BGN: variants seen among roughly 807,000 people sequenced by gnomAD.
BGN encodes the protein biglycan.
Under a neutral mutation model 20.0 loss-of-function variants are expected in BGN, and 6 were observed. That is an observed-to-expected ratio of 0.30 (90% CI 0.16 to 0.59). The LOEUF is 0.59. Ranked by LOEUF, BGN falls within the 20% of genes least tolerant of loss-of-function variation. The pLI, the probability that BGN is intolerant of heterozygous loss-of-function variation, is 0.88. For synonymous variants in BGN, 146 were observed against 134.6 expected, an observed-to-expected ratio of 1.08 and a Z score of -0.59; for missense variants, 292 against 312.1, an observed-to-expected ratio of 0.94 and a Z score of 0.49.
At chrX:153,501,366 C>G (rs73633608) in intron 1 of BGN, among the ~76,000 whole-genome samples, 1 of 112,764 alleles carries the variant, frequency 8.9e-6, no homozygotes, top group Non-Finnish European at 1.9e-5. Flanking sequence ...CAGGCTCTCA[C>G]AGGCCCAGAG....
chrX:153,505,866 C>T lies in BGN; in HGVS notation c.355C>T (p.Leu119Phe). ...DFKGLQHLYA[L>F]VLVNNKISKI... Reference sequence around the variant, plus strand: ...TCCTCCGCCCACCCTGCTTCAGGCCCTCGTCCTGGTGAACAACAAGATCTC... The same window carrying T: ...TCCTCCGCCCACCCTGCTTCAGGCCTTCGTCCTGGTGAACAACAAGATCTC... The change falls in exon 4 of 8, where the codon CTC (leucine) becomes TTC (phenylalanine). Residue 119 changes from leucine (L) to phenylalanine (F), a missense_variant. Coordinates refer to ENST00000331595, the MANE Select transcript of BGN (RefSeq NM_001711.6). 8.3e-7 allele frequency: 1 copy of T among 1,210,699 alleles called. No homozygotes were observed. Among genetic ancestry groups the T allele is most frequent in the East Asian group, 3.0e-5 (1 of 33,813 alleles).
intron 1 of BGN, among the ~76,000 whole-genome samples, chrX:153,499,563 G>A (rs1375605199): frequency 6.2e-5 from 7 of 112,893 alleles, no homozygotes; most frequent in Non-Finnish European, 1.1e-4. Flanking sequence ...ACGCCCAAGC[G>A]TGGCTGCCTG....
intron 2 of BGN, 96 bp downstream of exon 2, chrX:153,504,965 C>T (rs782687740): frequency 4.1e-5 from 37 of 900,604 alleles, no homozygotes; most frequent in Middle Eastern, 4.1e-4. Context: ...TCCTGTGGGA[C>T]GGTGGCGAGC....
At chrX:153,497,089 C>A (rs2089722778) in intron 1 of BGN, among the ~76,000 whole-genome samples, 1 of 103,821 alleles carries the variant, frequency 9.6e-6, no homozygotes, top group Non-Finnish European at 2.0e-5. Context: ...CTGCCAGGGC[C>A]CCTCCCCTGC....
intron 7 of BGN, among the ~76,000 whole-genome samples, chrX:153,507,497 C>T (rs2089811192): frequency 8.9e-6 from 1 of 112,432 alleles, no homozygotes. Flanking sequence ...TGTGCCAAGA[C>T]AGTGACCGCC....
At chrX:153,505,087 GTCCTCCCTACCA>G in intron 2 of BGN, 139 bp from the exon 3 acceptor site, 1 of 565,337 alleles carries the variant, frequency 1.8e-6, no homozygotes, top group Non-Finnish European at 2.9e-6. Context: ...TGTGTCCCCG[GTCCTCCCTACCA>G]GTGGGGCTAG....
chrX:153,503,922 A>C (rs1004195795), intron 1 of BGN, among the ~76,000 whole-genome samples: 5 of 111,846 alleles, frequency 4.5e-5, no homozygotes, highest in Non-Finnish European at 9.4e-5. Flanking sequence ...GCCCAGGGGC[A>C]GTGTTGGGGG....
At position 153,506,883 on chromosome X, in the gene BGN, A is replaced by G. The variant is rs2089804583; in HGVS notation, c.730A>G (p.Ile244Val). The G allele has an allele frequency of 2.5e-6, 3 of 1,209,861 alleles. No individual in the cohort carries two copies. Among genetic ancestry groups the G allele is most frequent in the Non-Finnish European group, 3.4e-6 (3 of 895,078 alleles). ...LHLDHNKIQA[I>V]ELEDLLRYSK... ...CCTAGACCACAACAAAATCCAGGCCATCGAACTGGAGGACCTGCTTCGCTA... is the reference window on the plus strand; with the variant it reads ...CCTAGACCACAACAAAATCCAGGCCGTCGAACTGGAGGACCTGCTTCGCTA... The change falls in exon 6 of 8, where the codon ATC becomes GTC. Residue 244 changes from isoleucine (I) to valine (V), a missense_variant. Transcript: ENST00000331595.
intron 1 of BGN, among the ~76,000 whole-genome samples, chrX:153,503,265 C>T (rs1402221374): frequency 8.9e-6 from 1 of 112,370 alleles, no homozygotes; most frequent in African/African-American, 3.2e-5. Context: ...CTCCTTAGAC[C>T]CCTGCAACCA....
intron 1 of BGN, among the ~76,000 whole-genome samples, chrX:153,496,301 C>T (rs1216436947): frequency 8.9e-6 from 1 of 112,828 alleles, no homozygotes; most frequent in Non-Finnish European, 1.9e-5. Flanking sequence ...CCCCCCTGCC[C>T]CCGTGCCAGA....
chrX:153,505,772 C>T, intron 3 of BGN, 91 bp from the exon 4 acceptor site: 1 of 775,093 alleles, frequency 1.3e-6, no homozygotes. Flanking sequence ...CCTCGAGGCC[C>T]AGTGGGCTGG....
intron 1 of BGN, among the ~76,000 whole-genome samples, chrX:153,496,027 C>T (rs1894363): frequency 0.27 from 30,553 of 111,520 alleles, 3,322 homozygotes; most frequent in Middle Eastern, 0.39. Flanking sequence ...GAGGGGAGCG[C>T]CCCCTCACTG....
rs1473040623 is a variant in BGN at position 153,495,069 on chromosome X, A to C, written c.-56A>C. ...AGACGTGCGGACGGCCCACCACCCC[A>C]GCCCGCCAACTAGTCAGCCTGCGCC... On this transcript the variant is annotated 5_prime_UTR_variant, in exon 1 of 8. Coordinates refer to ENST00000331595, the MANE Select transcript of BGN (RefSeq NM_001711.6). 1 of 109,604 alleles carries C rather than the reference A, an allele frequency of 9.1e-6. No individual in the cohort carries two copies. Among genetic ancestry groups the C allele is most frequent in the African/African-American group, 3.3e-5 (1 of 29,948 alleles). 9.0% of individuals were successfully genotyped at this position (109,604 alleles called of 1,213,427 possible).
At chrX:153,504,972 G>A (rs906078759) in intron 2 of BGN, 103 bp downstream of exon 2, 8 of 887,541 alleles carry the variant, frequency 9.0e-6, no homozygotes, top group Admixed American at 5.4e-5. Context: ...GGACGGTGGC[G>A]AGCATGATGT....
intron 1 of BGN, among the ~76,000 whole-genome samples, chrX:153,496,532 C>T (rs1276547665): frequency 8.9e-6 from 1 of 112,532 alleles, no homozygotes; most frequent in Non-Finnish European, 1.9e-5. Flanking sequence ...TCCAAGCCAC[C>T]AGGGCTGGGC....
chrX:153,504,476 G>A (rs1318358993), intron 1 of BGN, 145 bp from the exon 2 acceptor site: 19 of 496,042 alleles, frequency 3.8e-5, no homozygotes, highest in Middle Eastern at 5.9e-4. Flanking sequence ...CCCACACTCC[G>A]CCCTCTCCGC....
Position 153,504,061 on chromosome X carries a change from CGTGGGCAGG to C in BGN, c.-11-555_-11-547del, listed in dbSNP as rs1402417154. 4.5e-5 allele frequency among the ~76,000 whole-genome samples: 5 copies of C among 111,926 alleles called. No homozygotes were observed. In the Admixed American group the frequency reaches 4.7e-4, roughly 11 times the overall value. On this transcript the variant is annotated intron_variant, in intron 1 of 7. Transcript: ENST00000331595. Reference sequence around the variant, plus strand: ...TTGGCCTTAGAGGGTCTCTGAGAAACGTGGGCAGGGTGGAGGGAGGAAGCAACTCAGAGT... The same window carrying C: ...TTGGCCTTAGAGGGTCTCTGAGAAACGTGGAGGGAGGAAGCAACTCAGAGT...
At chrX:153,502,531 C>T (rs1442353368) in intron 1 of BGN, among the ~76,000 whole-genome samples, 1 of 112,287 alleles carries the variant, frequency 8.9e-6, no homozygotes, top group Admixed American at 9.3e-5. Flanking sequence ...CATCGGAGGC[C>T]CTGCCCTGCC....
chrX:153,504,545 A>G (rs1458103916), intron 1 of BGN, 76 bp from the exon 2 acceptor site: 3 of 872,677 alleles, frequency 3.4e-6, no homozygotes, highest in Admixed American at 5.7e-5. Flanking sequence ...GCCACCACAC[A>G]CGCGGAACAC....
Sources: allele counts gnomAD v4.1 joint callset (sites outside exome capture counted in the v4.1 genomes callset), GRCh38; gene constraint gnomAD v4.1.1; transcripts MANE v1.5; gene names NCBI Gene and HGNC (gene_info 2026-07-23, HGNC 2026-07-21).